JAZF1: variants seen among roughly 807,000 people sequenced by gnomAD.
JAZF1 encodes juxtaposed with another zinc finger protein 1.
Under a neutral mutation model 26.4 loss-of-function variants are expected in JAZF1, and 8 were observed. That is an observed-to-expected ratio of 0.30 (90% CI 0.18 to 0.55). The LOEUF (loss-of-function observed/expected upper bound fraction) is 0.55, where lower values mean the gene tolerates loss of function less well. Ranked by LOEUF, JAZF1 falls within the 20% of genes least tolerant of loss-of-function variation. JAZF1 has a pLI of 0.94. For synonymous variants in JAZF1, 126 were observed against 122.3 expected (o/e 1.03, Z -0.20); for missense variants, 199 against 322.0 (o/e 0.62, Z 2.92).
chr7:27,943,313 C>T (rs1446659136), intron 2 of JAZF1, among the ~76,000 whole-genome samples: 1 of 152,162 alleles, frequency 6.6e-6, no homozygotes, highest in African/African-American at 2.4e-5. Context: ...CTGGTGGCCA[C>T]ACCCAGGTTG....
At chr7:28,098,097 A>G (rs1784413073) in intron 1 of JAZF1, among the ~76,000 whole-genome samples, 2 of 152,120 alleles carry the variant, frequency 1.3e-5, no homozygotes, top group Admixed American at 6.5e-5. Flanking sequence ...TGTAATCCGC[A>G]ATGTGATGAT....
At chr7:27,907,672 T>A (rs2128344384) in intron 2 of JAZF1, among the ~76,000 whole-genome samples, 1 of 152,232 alleles carries the variant, frequency 6.6e-6, no homozygotes, top group South Asian at 2.1e-4. Flanking sequence ...GGTGTCCAGT[T>A]AATTAAACAC....
At chr7:27,999,744 A>T (rs1786094469) in intron 1 of JAZF1, among the ~76,000 whole-genome samples, 1 of 152,228 alleles carries the variant, frequency 6.6e-6, no homozygotes, top group South Asian at 2.1e-4. Context: ...ATATATGATG[A>T]ATACATGAAT....
At chr7:28,140,062 TA>T (rs555983554) in intron 1 of JAZF1, among the ~76,000 whole-genome samples, 37 of 149,122 alleles carry the variant, frequency 2.5e-4, no homozygotes, top group Admixed American at 7.5e-4. Flanking sequence ...CCAGCTCCTA[TA>T]AAAGTTGAAA....
chr7:28,025,610 G>A (rs570604482), intron 1 of JAZF1, among the ~76,000 whole-genome samples: 5 of 152,300 alleles, frequency 3.3e-5, no homozygotes, highest in East Asian at 1.9e-4. Context: ...GGCAGTTAAC[G>A]TGTTTGCTAC....
intron 1 of JAZF1, among the ~76,000 whole-genome samples, chr7:28,161,621 C>T (rs1322247192): frequency 2.0e-5 from 3 of 152,180 alleles, no homozygotes; most frequent in African/African-American, 7.2e-5. Context: ...TCATGGAGGT[C>T]CCCATGGCAA....
intron 2 of JAZF1, among the ~76,000 whole-genome samples, chr7:27,976,863 AGAGT>A (rs1046678076): frequency 1.3e-5 from 2 of 152,234 alleles, no homozygotes; most frequent in African/African-American, 4.8e-5. Context: ...TGAAACACCA[AGAGT>A]GAGAGTTTGG....
intron 3 of JAZF1, among the ~76,000 whole-genome samples, chr7:27,856,396 G>A (rs1016596198): frequency 6.6e-6 from 1 of 152,200 alleles, no homozygotes; most frequent in Admixed American, 6.5e-5. Context: ...GTGAGCAGCA[G>A]CAAGAGTTAT....
In JAZF1 at chr7:28,143,464, G is replaced by A. The variant is rs1263977874; in HGVS notation, c.115+36999C>T. 2.6e-5 allele frequency among the ~76,000 whole-genome samples: 4 copies of A among 152,188 alleles called. No homozygotes were observed. In the South Asian group the frequency reaches 6.2e-4, roughly 24 times the overall value. ...AGACAAAGCATCACACTGTATTATA[G>A]CTCCTGGCCGGTGTGCCTGTCTTCC... On this transcript the variant is annotated intron_variant, in intron 1 of 4. Coordinates refer to ENST00000283928, the MANE Select transcript of JAZF1 (RefSeq NM_175061.4).
chr7:28,096,245 T>C (rs1340589254), intron 1 of JAZF1, among the ~76,000 whole-genome samples: 1 of 152,226 alleles, frequency 6.6e-6, no homozygotes, highest in African/African-American at 2.4e-5. Flanking sequence ...GGCCAGTGGT[T>C]AGGGTTGTCC....
chr7:27,962,811 G>A (rs1785207280), intron 2 of JAZF1, among the ~76,000 whole-genome samples: 1 of 152,168 alleles, frequency 6.6e-6, no homozygotes, highest in Non-Finnish European at 1.5e-5. Flanking sequence ...ATGCTGAGGG[G>A]AGAATTTCCC....
At chr7:27,854,240 C>A (rs1295655029) in intron 3 of JAZF1, among the ~76,000 whole-genome samples, 2 of 152,134 alleles carry the variant, frequency 1.3e-5, no homozygotes, top group Non-Finnish European at 1.5e-5. Context: ...TTCTTCCATC[C>A]CTTTATTTTG....
intron 2 of JAZF1, among the ~76,000 whole-genome samples, chr7:27,957,916 A>G (rs1205077240): frequency 6.6e-6 from 1 of 152,224 alleles, no homozygotes; most frequent in Non-Finnish European, 1.5e-5. Context: ...TGCCCACCAG[A>G]CAAGTTTTAC....
chr7:28,016,886 C>CA (rs953976445), intron 1 of JAZF1, among the ~76,000 whole-genome samples: 2 of 151,806 alleles, frequency 1.3e-5, no homozygotes, highest in Middle Eastern at 6.8e-3. Flanking sequence ...CAGTGAATGA[C>CA]AAAAAAAGAG....
intron 1 of JAZF1, among the ~76,000 whole-genome samples, chr7:28,179,818 G>A (rs1783609004): frequency 1.5e-5 from 2 of 129,474 alleles, no homozygotes; most frequent in African/African-American, 5.5e-5. Flanking sequence ...GCCCCCTCCC[G>A]ACGCACCACA....
chr7:28,069,124 G>A (rs1017078424), intron 1 of JAZF1, among the ~76,000 whole-genome samples: 103 of 152,344 alleles, frequency 6.8e-4, no homozygotes, highest in African/African-American at 2.4e-3. Flanking sequence ...AGGCAGAGAG[G>A]GGATGGAAGA....
intron 1 of JAZF1, among the ~76,000 whole-genome samples, chr7:28,042,379 G>C (rs542383774): frequency 6.3e-4 from 96 of 152,306 alleles, no homozygotes; most frequent in Middle Eastern, 3.4e-3. Context: ...CTGAGTCTGA[G>C]GGGGAGCTGG....
chr7:27,942,232 T>TGG (rs1784858099), intron 2 of JAZF1, among the ~76,000 whole-genome samples: 10 of 152,234 alleles, frequency 6.6e-5, no homozygotes, highest in African/African-American at 2.4e-4. Flanking sequence ...TGCATGCACC[T>TGG]TGCACAATGT....
At chr7:27,877,868 T>C (rs1326543633) in intron 3 of JAZF1, among the ~76,000 whole-genome samples, 1 of 152,178 alleles carries the variant, frequency 6.6e-6, no homozygotes, top group East Asian at 1.9e-4. Flanking sequence ...CCACCTGCAT[T>C]TCACCCTGAT....
Sources: gnomAD v4.1 joint callset for allele counts (sites outside exome capture counted in the v4.1 genomes callset) on GRCh38, gnomAD v4.1.1 for gene constraint, MANE v1.5 for transcripts, NCBI Gene and HGNC (gene_info 2026-07-23, HGNC 2026-07-21) for gene names.